The following SSH2 variants were observed in gnomAD, a reference collection of about 807,000 sequenced individuals.
SSH2 encodes protein phosphatase Slingshot homolog 2.
SSH2 carries 37 observed loss-of-function variants against 135.2 expected under a neutral mutation model. That is an observed-to-expected ratio of 0.27 (90% confidence interval 0.21 to 0.36). SSH2 has a LOEUF of 0.36. Among genes scored for constraint, SSH2 ranks in the 10% least tolerant of loss-of-function variants. The pLI is 1.00. For synonymous variants in SSH2, 628 were observed against 646.2 expected, an observed-to-expected ratio of 0.97 and a Z score of 0.43; for missense variants, 1,408 against 1,765.3, an observed-to-expected ratio of 0.80 and a Z score of 3.63.
chr17:29,667,205 T>G lies in SSH2; in HGVS notation c.828A>C (p.Arg276=). Residue 276 remains arginine (R), a synonymous_variant, in exon 10 of 16, where the codon CGA becomes CGC. Coordinates refer to ENST00000540801, the MANE Select transcript of SSH2 (RefSeq NM_001282129.2). ...ATTTGGTTTTAATTAGCCTTTCTGTTCGTTCACGTTCAGTAGGTCTGAGAA... is the reference window on the plus strand; with the variant it reads ...ATTTGGTTTTAATTAGCCTTTCTGTGCGTTCACGTTCAGTAGGTCTGAGAA... ...LFTDIPTERE[R]TERLIKTKLR... 1 of 1,609,196 alleles carries G rather than the reference T, an allele frequency of 6.2e-7. No individual in the cohort carries two copies.
intron 2 of SSH2, among the ~76,000 whole-genome samples, chr17:29,803,735 G>A (rs2042292077): frequency 6.6e-6 from 1 of 152,214 alleles, no homozygotes; most frequent in Non-Finnish European, 1.5e-5. Flanking sequence ...TAATGACAGT[G>A]AATGAAGTAG....
At chr17:29,788,000 A>G (rs2041999831) in intron 3 of SSH2, among the ~76,000 whole-genome samples, 1 of 152,116 alleles carries the variant, frequency 6.6e-6, no homozygotes, top group Non-Finnish European at 1.5e-5. Flanking sequence ...AAGTGCTGGA[A>G]TTACAGGCAT....
At chr17:29,920,040 G>T (rs943901017) in intron 1 of SSH2, among the ~76,000 whole-genome samples, 1 of 152,136 alleles carries the variant, frequency 6.6e-6, no homozygotes, top group East Asian at 1.9e-4. Context: ...CCGAGTAGCT[G>T]GGATTACAGG....
At chr17:29,696,977 C>A (rs564849058) in intron 4 of SSH2, among the ~76,000 whole-genome samples, 2 of 151,864 alleles carry the variant, frequency 1.3e-5, no homozygotes, top group South Asian at 4.2e-4. Flanking sequence ...AGCCACAGTG[C>A]CTGGCCAATG....
chr17:29,638,557 C>G (rs1193366720), intron 14 of SSH2, among the ~76,000 whole-genome samples: 5 of 131,954 alleles, frequency 3.8e-5, no homozygotes, highest in African/African-American at 1.5e-4. Context: ...CACACACACA[C>G]ACACAGAGAC....
intron 3 of SSH2, among the ~76,000 whole-genome samples, chr17:29,725,370 G>C (rs1179470863): frequency 8.0e-5 from 3 of 37,488 alleles, no homozygotes; most frequent in African/African-American, 2.7e-4. Context: ...AAAAAAAAAA[G>C]CCAGGGAATC....
intron 12 of SSH2, among the ~76,000 whole-genome samples, chr17:29,652,593 G>C (rs2036621316): frequency 6.6e-6 from 1 of 151,898 alleles, no homozygotes; most frequent in Non-Finnish European, 1.5e-5. Flanking sequence ...CAGCCTGGGT[G>C]ACAGGAAAAA....
chr17:29,737,431 G>A (rs980292217), intron 3 of SSH2, among the ~76,000 whole-genome samples: 1 of 152,100 alleles, frequency 6.6e-6, no homozygotes, highest in Non-Finnish European at 1.5e-5. Flanking sequence ...ATCTAGAGCT[G>A]TGACTTGGTC....
chr17:29,646,960 T>G (rs546222262), intron 14 of SSH2, among the ~76,000 whole-genome samples: 1 of 151,828 alleles, frequency 6.6e-6, no homozygotes, highest in Admixed American at 6.6e-5. Flanking sequence ...AATTAGCAGA[T>G]GGTACTTATT....
intron 1 of SSH2, among the ~76,000 whole-genome samples, chr17:29,898,587 C>T (rs2066488198): frequency 6.6e-6 from 1 of 152,172 alleles, no homozygotes; most frequent in Admixed American, 6.6e-5. Flanking sequence ...CAGGAAGAAG[C>T]TGAATCTCTG....
Position 29,652,091 on chromosome 17 carries a change from G to A in SSH2, c.1080-1291C>T, listed in dbSNP as rs184649146. 3.8e-3 allele frequency among the ~76,000 whole-genome samples: 580 copies of A among 152,166 alleles called. 4 individuals are homozygous for A. The highest frequency in any genetic ancestry group is 0.014 in the Middle Eastern group (4 of 294). On this transcript the variant is annotated intron_variant, in intron 12 of 15. Transcript: ENST00000540801. The stretch of plus-strand genomic sequence containing the variant: ...CGGGAGGCGGAGGTTGCAGTGAGTC[G>A]AGATTGCGCCATTGCACTCCAGTCT...
intron 3 of SSH2, among the ~76,000 whole-genome samples, chr17:29,739,246 A>C (rs376362225): frequency 3.3e-5 from 5 of 152,202 alleles, no homozygotes; most frequent in African/African-American, 1.2e-4. Flanking sequence ...CGAATCCACT[A>C]TCTATTTAAC....
chr17:29,678,274 T>G (rs915423821), intron 6 of SSH2, among the ~76,000 whole-genome samples: 1 of 152,046 alleles, frequency 6.6e-6, no homozygotes, highest in Non-Finnish European at 1.5e-5. Context: ...TTCTGTACTT[T>G]TAGTAGAGAT....
chr17:29,715,103 G>C (rs1235100647), intron 3 of SSH2, among the ~76,000 whole-genome samples: 1 of 152,034 alleles, frequency 6.6e-6, no homozygotes, highest in Admixed American at 6.6e-5. Context: ...CTGACCTCAG[G>C]TGATCCACCA....
At chr17:29,891,184 C>T (rs1351484325) in intron 1 of SSH2, among the ~76,000 whole-genome samples, 1 of 152,220 alleles carries the variant, frequency 6.6e-6, no homozygotes, top group Non-Finnish European at 1.5e-5. Flanking sequence ...TAATCACAGG[C>T]TGGATTCCCT....
intron 1 of SSH2, among the ~76,000 whole-genome samples, chr17:29,900,703 T>C (rs1203615861): frequency 1.3e-5 from 2 of 152,148 alleles, no homozygotes; most frequent in Non-Finnish European, 2.9e-5. Flanking sequence ...AGTTCAACCA[T>C]TGTGGAAGTC....
intron 5 of SSH2, among the ~76,000 whole-genome samples, chr17:29,692,083 T>C (rs1598812844): frequency 6.7e-6 from 1 of 150,362 alleles, no homozygotes; most frequent in South Asian, 2.1e-4. Flanking sequence ...GAGGTTGCAA[T>C]GGGCCAAGAT....
intron 3 of SSH2, chr17:29,761,365 A>C (rs2041295715): frequency 1.9e-6 from 2 of 1,072,364 alleles, no homozygotes; most frequent in Non-Finnish European, 1.1e-6. Flanking sequence ...CCGGCGGCGG[A>C]GGCGGGCCCG....
intron 3 of SSH2, among the ~76,000 whole-genome samples, chr17:29,753,849 A>G (rs999967534): frequency 2.6e-5 from 4 of 151,944 alleles, no homozygotes; most frequent in Non-Finnish European, 4.4e-5. Flanking sequence ...CAATTTGGCT[A>G]TATGTATCAA....
Sources: allele counts gnomAD v4.1 joint callset (sites outside exome capture counted in the v4.1 genomes callset), GRCh38; gene constraint gnomAD v4.1.1; transcripts MANE v1.5; gene names NCBI Gene and HGNC (gene_info 2026-07-23, HGNC 2026-07-21).